The following ANKRA2 variants were observed in gnomAD, a reference collection of about 807,000 sequenced individuals.
ANKRA2 encodes ankyrin repeat family A member 2.
Under a neutral mutation model 37.8 loss-of-function variants are expected in ANKRA2, and 33 were observed. That is an observed-to-expected ratio of 0.87 (90% CI 0.66 to 1.17). The LOEUF is 1.17. Among genes scored for constraint, ANKRA2 ranks in the 50% most tolerant of loss-of-function variants. The pLI, the probability that ANKRA2 is intolerant of heterozygous loss-of-function variation, is 0.00. For synonymous variants in ANKRA2, 126 were observed against 132.3 expected (o/e 0.95, Z 0.33); for missense variants, 326 against 373.7 (o/e 0.87, Z 1.05).
chr5:73,562,894 AGTTTCAAT>A lies in ANKRA2; in HGVS notation c.-21_-14del, dbSNP rs1199462817. 4 of 1,580,598 alleles carry A rather than the reference AGTTTCAAT, an allele frequency of 2.5e-6. No individual in the cohort carries two copies. Among genetic ancestry groups the A allele is most frequent in the Middle Eastern group, 1.7e-4 (1 of 5,886 alleles). ...TTGATGTATCCATGATTTCAACTGT[AGTTTCAAT>A]AACTAAAACATTTCTTCATGATTTC... On this transcript the variant is annotated 5_prime_UTR_variant, in exon 2 of 9. It removes the in-frame stop codon of an upstream open reading frame in the 5' UTR. Transcript: ENST00000296785.
chr5:73,565,364 G>GTGGTC lies in ANKRA2; in HGVS notation c.-338_-337insGACCA. 1.3e-5 allele frequency: 2 copies of GTGGTC among 156,742 alleles called. No individual in the cohort carries two copies. The highest frequency in any genetic ancestry group is 3.2e-4 in the South Asian group (2 of 6,248). The allele number at this position is 156,742 out of a possible 1,614,324, so 9.7% of individuals were successfully genotyped here. ...ACCGACGACAGCAGACAGCGAGTCG[G>GTGGTC]GCCTTCCCATCTGAGGCCAGCTTCA... On this transcript the variant is annotated 5_prime_UTR_variant, in exon 1 of 9. An upstream open reading frame in the 5' UTR loses its in-frame stop. Transcript: ENST00000296785.
At position 73,565,631 on chromosome 5, in the gene ANKRA2, AGAG is replaced by A. The variant is rs1747715360; in HGVS notation, c.-607_-605del. 1 of 400,934 alleles carries A rather than the reference AGAG, an allele frequency of 2.5e-6. No individual in the cohort carries two copies. Among genetic ancestry groups the A allele is most frequent in the Non-Finnish European group, 5.0e-6 (1 of 200,444 alleles). The allele number at this position is 400,934 out of a possible 1,614,324, so 24.8% of individuals were successfully genotyped here. On this transcript the variant is annotated 5_prime_UTR_variant, in exon 1 of 9. Coordinates refer to ENST00000296785, the MANE Select transcript of ANKRA2 (RefSeq NM_023039.5). ...GTTGACGGTTCTGGGTCACCAGAGCAGAGGAAGCCCCAATTTCGCCCTCCGGTC... is the reference window on the plus strand; with the variant it reads ...GTTGACGGTTCTGGGTCACCAGAGCAGAAGCCCCAATTTCGCCCTCCGGTC...
intron 3 of ANKRA2, 38 bp from the exon 4 acceptor site, chr5:73,557,678 T>C (rs1314369349): frequency 3.4e-6 from 5 of 1,453,774 alleles, no homozygotes; most frequent in South Asian, 2.4e-5. Flanking sequence ...GAATTATCTA[T>C]AGGGTACACT....
Position 73,555,557 on chromosome 5 carries a change from T to G in ANKRA2, c.543A>C (p.Glu181Asp), listed in dbSNP as rs1305321395. 3.7e-6 allele frequency: 6 copies of G among 1,614,004 alleles called. No homozygotes were observed. The highest frequency in any genetic ancestry group is 5.1e-6 in the Non-Finnish European group (6 of 1,179,966). ...CAGCCCACATCAGAGGAGTAAATCC[T>G]TCTTCATCCGTGTGATTGATAACAT... ...QENVINHTDE[E>D]GFTPLMWAAA... is the part of the protein sequence containing the mutation. The change falls in exon 5 of 9, where the codon GAA becomes GAC. Residue 181 changes from glutamate to aspartate, a missense_variant. Physicochemically the swap from Glu to Asp is conservative, Grantham distance 45. Around this residue, in one of 3 missense-constraint regions of ANKRA2, gnomAD observed 228 missense variants for 260.2 expected, o/e 0.88. Coordinates refer to ENST00000296785, the MANE Select transcript of ANKRA2 (RefSeq NM_023039.5).
rs1300367264 is a variant in ANKRA2, at chr5:73,562,960, T to C, written c.-79A>G. Reference sequence around the variant, plus strand: ...TTTTGTAAGAGCAGTATCCAGTGTGTTCTTGGAATCTGGATATTTAAAAAT... The same window carrying C: ...TTTTGTAAGAGCAGTATCCAGTGTGCTCTTGGAATCTGGATATTTAAAAAT... On this transcript the variant is annotated 5_prime_UTR_variant, in exon 2 of 9. Coordinates refer to ENST00000296785, the MANE Select transcript of ANKRA2 (RefSeq NM_023039.5). 17 of 1,302,204 alleles carry C rather than the reference T, an allele frequency of 1.3e-5. No individual in the cohort carries two copies. The highest frequency in any genetic ancestry group is 1.7e-5 in the Non-Finnish European group (16 of 960,700). The allele number at this position is 1,302,204 out of a possible 1,614,324, so 80.7% of individuals were successfully genotyped here. A position where few individuals can be genotyped will look rare whatever the true frequency, so the allele number is the denominator to read the frequency against.
chr5:73,561,257 C>G lies in ANKRA2; in HGVS notation c.321G>C (p.Pro107=). 1 of 1,612,820 alleles carries G rather than the reference C, an allele frequency of 6.2e-7. No individual in the cohort carries two copies. Among genetic ancestry groups the G allele is most frequent in the South Asian group, 1.1e-5 (1 of 90,998 alleles). The change falls in exon 3 of 9, where the codon CCG becomes CCC. Residue 107 remains proline (P), a synonymous_variant. Transcript: ENST00000296785. ...AECNIHTSPS[P]GIQVRHVYTP... ...TGTAGACATGCCTTACTTGAATTCCCGGAGAAGGAGATGTATGGATATTGC... is the reference window on the plus strand; with the variant it reads ...TGTAGACATGCCTTACTTGAATTCCGGGAGAAGGAGATGTATGGATATTGC...
At position 73,554,916 on chromosome 5, in the gene ANKRA2, G is replaced by A. The variant is rs754083209; in HGVS notation, c.683C>T (p.Thr228Ile). The change falls in exon 6 of 9, where the codon ACA (threonine) becomes ATA (isoleucine). Residue 228 changes from threonine (T) to isoleucine (I), a missense_variant. By Grantham distance (89) the Thr-to-Ile change is moderately conservative. Coordinates refer to ENST00000296785, the MANE Select transcript of ANKRA2 (RefSeq NM_023039.5). The stretch of plus-strand genomic sequence containing the variant: ...ATCAAGCAGCATTTTGACAATATCT[G>A]TGTAGCCTTTACTACAGGCCAACGA... ...ALSLACSKGY[T>I]DIVKMLLDCG... 1.2e-6 allele frequency: 2 copies of A among 1,613,798 alleles called. No homozygotes were observed. The highest frequency in any genetic ancestry group is 2.2e-5 in the South Asian group (2 of 91,064).
At chr5:73,554,749 C>T in intron 6 of ANKRA2, 112 bp downstream of exon 6, 3 of 1,293,606 alleles carry the variant, frequency 2.3e-6, no homozygotes, top group African/African-American at 1.5e-5. Flanking sequence ...TACAGGTGTA[C>T]ACCACGATGC....
intron 5 of ANKRA2, 106 bp downstream of exon 5, chr5:73,555,382 T>C (rs1041322407): frequency 7.4e-6 from 11 of 1,482,972 alleles, no homozygotes; most frequent in South Asian, 3.9e-5. Context: ...TAAACTTTTT[T>C]TGGTAGCCTC....
intron 2 of ANKRA2, among the ~76,000 whole-genome samples, chr5:73,561,977 A>G (rs1747567701): frequency 6.6e-6 from 1 of 152,116 alleles, no homozygotes; most frequent in African/African-American, 2.4e-5. Context: ...AGGAATGGAT[A>G]TTACGCTAAT....
Position 73,565,529 on chromosome 5 carries a change from T to C in ANKRA2, c.-502A>G, listed in dbSNP as rs963935236. On this transcript the variant is annotated 5_prime_UTR_variant, in exon 1 of 9. Transcript: ENST00000296785. Reference sequence around the variant, plus strand: ...TTTTTTTTGTCCCTCTCTCCTTTTTTTTAATATTTTTGTTTTTGCCGCCTT... The same window carrying C: ...TTTTTTTTGTCCCTCTCTCCTTTTTCTTAATATTTTTGTTTTTGCCGCCTT... 2.1e-5 allele frequency: 5 copies of C among 234,228 alleles called. No individual in the cohort carries two copies. Among genetic ancestry groups the C allele is most frequent in the Middle Eastern group, 1.8e-3 (1 of 554 alleles). 14.5% of individuals were successfully genotyped at this position (234,228 alleles called of 1,614,324 possible). A position where few individuals can be genotyped will look rare whatever the true frequency, so the allele number is the denominator to read the frequency against.
chr5:73,562,448 T>C (rs1262781935), intron 2 of ANKRA2, 145 bp downstream of exon 2: 3 of 666,302 alleles, frequency 4.5e-6, no homozygotes, highest in Non-Finnish European at 7.2e-6. Context: ...ATTATTTTAA[T>C]TTTGGTTTCT....
intron 5 of ANKRA2, 70 bp from the exon 6 acceptor site, chr5:73,555,056 A>G: frequency 6.4e-7 from 1 of 1,557,224 alleles, no homozygotes. Flanking sequence ...TCCTGTCAAC[A>G]ATAATTATAG....
chr5:73,557,959 C>A (rs1259872529), intron 3 of ANKRA2, among the ~76,000 whole-genome samples: 1 of 152,020 alleles, frequency 6.6e-6, no homozygotes, highest in Non-Finnish European at 1.5e-5. Context: ...TGCCTGTAAT[C>A]CCAGCTACTT....
intron 1 of ANKRA2, among the ~76,000 whole-genome samples, chr5:73,564,859 T>C (rs1044418200): frequency 3.9e-5 from 6 of 151,990 alleles, no homozygotes; most frequent in Non-Finnish European, 8.8e-5. Flanking sequence ...GGCCAAAATT[T>C]TGAAGAACAG....
chr5:73,564,509 C>A lies in ANKRA2; in HGVS notation c.-105+623G>T, dbSNP rs1344953007. ...CTCCATAAATGTTTTCTGATCTTAA[C>A]TTTAACAATTTTTTCCATATTCTTT... On this transcript the variant is annotated intron_variant, in intron 1 of 8. Transcript: ENST00000296785. Among the ~76,000 whole-genome samples, 4 of 152,334 alleles carry A rather than the reference C, an allele frequency of 2.6e-5. No homozygotes were observed. In the East Asian group the frequency reaches 7.7e-4, roughly 29 times the overall value.
intron 3 of ANKRA2, among the ~76,000 whole-genome samples, chr5:73,559,360 T>C (rs200195837): frequency 1.3e-5 from 2 of 149,502 alleles, no homozygotes; most frequent in African/African-American, 4.9e-5. Flanking sequence ...TTCTTTTTTT[T>C]AACATACTTA....
In ANKRA2 at chr5:73,552,698, A is replaced by C; in HGVS notation, c.*99T>G. On this transcript the variant is annotated 3_prime_UTR_variant, in exon 9 of 9. Coordinates refer to ENST00000296785, the MANE Select transcript of ANKRA2 (RefSeq NM_023039.5). ...TTATTAAAACCTACTAAAAACCAGTAAATATTGCAACTGAGGTAAAAATTT... is the reference window on the plus strand; with the variant it reads ...TTATTAAAACCTACTAAAAACCAGTCAATATTGCAACTGAGGTAAAAATTT... 1 of 1,095,142 alleles carries C rather than the reference A, an allele frequency of 9.1e-7. No homozygotes were observed. The highest frequency in any genetic ancestry group is 1.6e-5 in the African/African-American group (1 of 62,648). 67.8% of individuals were successfully genotyped at this position (1,095,142 alleles called of 1,614,324 possible).
At chr5:73,558,701 T>A (rs183625430) in intron 3 of ANKRA2, among the ~76,000 whole-genome samples, 56 of 152,236 alleles carry the variant, frequency 3.7e-4, no homozygotes, top group South Asian at 1.2e-3. Context: ...CACATCCAGA[T>A]AATTTTCATA....
Sources: gnomAD v4.1 joint callset for allele counts (sites outside exome capture counted in the v4.1 genomes callset) on GRCh38, gnomAD v4.1.1 for gene constraint, gnomAD v4.1.1 regional missense constraint, MANE v1.5 for transcripts, NCBI Gene and HGNC (gene_info 2026-07-23, HGNC 2026-07-21) for gene names.